The following FAM135B variants were observed in gnomAD, a reference collection of about 807,000 sequenced individuals.
FAM135B encodes family with sequence similarity 135 member B.
In FAM135B, 43 loss-of-function variants were observed where a neutral mutation model predicts 127.7. The ratio of observed to expected loss-of-function variants is 0.34; its 90% CI spans 0.26 to 0.43. FAM135B has a LOEUF of 0.43. FAM135B is among the 20% of genes least tolerant of loss of function. FAM135B has a pLI of 1.00. For missense variants in FAM135B, 1,558 were observed against 1,725.6 expected, an observed-to-expected ratio of 0.90 and a Z score of 1.72; for synonymous variants, 670 against 665.1, an observed-to-expected ratio of 1.01 and a Z score of -0.11.
At chr8:138,220,585 C>T (rs190330674) in intron 7 of FAM135B, among the ~76,000 whole-genome samples, 1 of 152,142 alleles carries the variant, frequency 6.6e-6, no homozygotes, top group Admixed American at 6.5e-5. Context: ...ATGCAAAGAG[C>T]CTAGAAGCAT....
intron 2 of FAM135B, among the ~76,000 whole-genome samples, chr8:138,367,180 T>C (rs1830790468): frequency 6.6e-6 from 1 of 152,236 alleles, no homozygotes; most frequent in African/African-American, 2.4e-5. Flanking sequence ...TGTACTAATT[T>C]GCGCTGTTAA....
At chr8:138,201,537 C>T (rs11985214) in intron 7 of FAM135B, among the ~76,000 whole-genome samples, 5 of 152,054 alleles carry the variant, frequency 3.3e-5, no homozygotes, top group Non-Finnish European at 2.9e-5. Flanking sequence ...TGAAGCTGTG[C>T]GATATACTGC....
At chr8:138,423,773 C>T (rs933073963) in intron 1 of FAM135B, among the ~76,000 whole-genome samples, 1 of 152,144 alleles carries the variant, frequency 6.6e-6, no homozygotes, top group African/African-American at 2.4e-5. Flanking sequence ...GGAATTTTCT[C>T]ATCCTAATAA....
chr8:138,352,672 T>C (rs925218495), intron 2 of FAM135B, among the ~76,000 whole-genome samples: 8 of 152,220 alleles, frequency 5.3e-5, no homozygotes, highest in African/African-American at 1.9e-4. Flanking sequence ...CTTACACTTA[T>C]TGCTCAATCT....
At chr8:138,202,145 C>A (rs1221425970) in intron 7 of FAM135B, among the ~76,000 whole-genome samples, 10 of 69,494 alleles carry the variant, frequency 1.4e-4, no homozygotes, top group Non-Finnish European at 2.9e-4. Flanking sequence ...AAAAAAGGCA[C>A]CTCTCCCCTT....
intron 7 of FAM135B, among the ~76,000 whole-genome samples, chr8:138,210,584 G>T (rs149063032): frequency 1.0e-3 from 153 of 152,264 alleles, no homozygotes; most frequent in African/African-American, 3.5e-3. Context: ...GAGAGAGTAA[G>T]GGAGGGAAGC....
At chr8:138,197,768 A>G in intron 7 of FAM135B, 99 bp from the exon 8 acceptor site, 1 of 1,359,724 alleles carries the variant, frequency 7.4e-7, no homozygotes, top group South Asian at 1.4e-5. Context: ...CATTCACAAA[A>G]TGTTTGGAGG....
chr8:138,369,012 G>A (rs1032866962), intron 1 of FAM135B, among the ~76,000 whole-genome samples: 2 of 152,126 alleles, frequency 1.3e-5, no homozygotes, highest in African/African-American at 2.4e-5. Context: ...GACCAGAGAA[G>A]CTCTGACCTG....
intron 1 of FAM135B, among the ~76,000 whole-genome samples, chr8:138,424,798 C>T (rs1298069970): frequency 6.6e-6 from 1 of 152,166 alleles, no homozygotes; most frequent in East Asian, 1.9e-4. Context: ...GGTAAAATAA[C>T]ACTATGAGGA....
intron 1 of FAM135B, among the ~76,000 whole-genome samples, chr8:138,391,234 C>T (rs1832553330): frequency 6.6e-6 from 1 of 152,050 alleles, no homozygotes; most frequent in African/African-American, 2.4e-5. Flanking sequence ...TGGCAGGCCC[C>T]TCTGCTGCTT....
chr8:138,172,662 G>C lies in FAM135B; in HGVS notation c.1104-4613C>G, dbSNP rs981710453. On this transcript the variant is annotated intron_variant, in intron 11 of 19. Transcript: ENST00000395297. ...AGCTTTTTAATTCATTGTATAGAAA[G>C]TCCCCAGATCAGTTCCTGGATATAA... Among the ~76,000 whole-genome samples the C allele has an allele frequency of 3.9e-5, 6 of 152,162 alleles. No individual in the cohort carries two copies. In the South Asian group the frequency reaches 1.2e-3, roughly 32 times the overall value.
At chr8:138,274,846 T>C (rs1823686282) in intron 3 of FAM135B, among the ~76,000 whole-genome samples, 1 of 152,158 alleles carries the variant, frequency 6.6e-6, no homozygotes, top group Admixed American at 6.5e-5. Flanking sequence ...TTTAAGGTTA[T>C]CTCTCTTATT....
chr8:138,297,871 C>T (rs1199163527), intron 3 of FAM135B, among the ~76,000 whole-genome samples: 2 of 152,216 alleles, frequency 1.3e-5, no homozygotes, highest in Non-Finnish European at 2.9e-5. Context: ...GCTGGGCCAG[C>T]TGCATGGCAG....
In FAM135B at chr8:138,151,983, T is replaced by A; in HGVS notation, c.2492A>T (p.Glu831Val). Residue 831 changes from glutamate to valine, a missense_variant, in exon 13 of 20, where the codon GAG becomes GTG. Physicochemically the swap from Glu to Val is moderately radical, Grantham distance 121 (BLOSUM62 -2). This residue lies in a region of FAM135B where 923 missense variants were observed against 865.3 expected (regional missense o/e 1.07). Transcript: ENST00000395297. ...CTGGTTGTCAGCATCTAAAACTATC[T>A]CCACCAGGGGATGGTCTGCTCCAGC... is the stretch of plus-strand genomic sequence containing the variant. Reference protein sequence around the residue: ...TDAGADHPLVEIVLDADNQQG... With the variant: ...TDAGADHPLVVIVLDADNQQG... The A allele has an allele frequency of 6.2e-7, 1 of 1,614,032 alleles. No individual in the cohort carries two copies. The highest frequency in any genetic ancestry group is 8.5e-7 in the Non-Finnish European group (1 of 1,179,998).
intron 1 of FAM135B, among the ~76,000 whole-genome samples, chr8:138,478,666 T>C (rs991291260): frequency 1.3e-4 from 20 of 152,062 alleles, no homozygotes; most frequent in African/African-American, 3.4e-4. Flanking sequence ...ACGGATAAAA[T>C]TGGGATGGCA....
At chr8:138,273,771 C>T (rs1823582647) in intron 3 of FAM135B, among the ~76,000 whole-genome samples, 1 of 152,202 alleles carries the variant, frequency 6.6e-6, no homozygotes, top group African/African-American at 2.4e-5. Context: ...TCACTCACTC[C>T]TGCCCCTTCT....
chr8:138,207,216 CTTTTTT>C (rs72229891), intron 7 of FAM135B, among the ~76,000 whole-genome samples: 30 of 134,052 alleles, frequency 2.2e-4, no homozygotes, highest in Admixed American at 6.8e-4. Context: ...TGAAACAATA[CTTTTTT>C]TTTTTTTTTT....
chr8:138,199,576 G>C (rs555239823), intron 7 of FAM135B, among the ~76,000 whole-genome samples: 27 of 152,292 alleles, frequency 1.8e-4, no homozygotes, highest in Non-Finnish European at 7.3e-5. Flanking sequence ...GTTACCCTAT[G>C]TATTAGTTCG....
chr8:138,450,565 T>C (rs1316097855), intron 1 of FAM135B: 1 of 152,230 alleles, frequency 6.6e-6, no homozygotes, highest in Non-Finnish European at 1.5e-5. Flanking sequence ...TGGTATCTCA[T>C]TGCTGTTTTC....
Sources: gnomAD v4.1 joint callset for allele counts (sites outside exome capture counted in the v4.1 genomes callset) on GRCh38, gnomAD v4.1.1 for gene constraint, gnomAD v4.1.1 regional missense constraint, MANE v1.5 for transcripts, NCBI Gene and HGNC (gene_info 2026-07-23, HGNC 2026-07-21) for gene names.